The following WWOX variants were observed in gnomAD, a reference collection of about 807,000 sequenced individuals.
WWOX encodes the protein WW domain containing oxidoreductase.
Under a neutral mutation model 46.2 loss-of-function variants are expected in WWOX, and 69 were observed. The observed-to-expected ratio is 1.49, with a 90% CI of 1.23 to 1.82. The LOEUF is 1.82. Among genes scored for constraint, WWOX ranks in the 40% most tolerant of loss-of-function variants. The pLI is 0.00. For synonymous variants in WWOX, 359 were observed against 202.6 expected (o/e 1.77, Z -6.56); for missense variants, 919 against 542.6 (o/e 1.69, Z -6.89).
At chr16:78,993,138 A>C (rs1235198986) in intron 8 of WWOX, among the ~76,000 whole-genome samples, 2 of 152,086 alleles carry the variant, frequency 1.3e-5, no homozygotes, top group Non-Finnish European at 2.9e-5. Flanking sequence ...CCAATTTCAT[A>C]GGCAATATGT....
At chr16:78,415,466 C>T (rs1371397633) in intron 6 of WWOX, among the ~76,000 whole-genome samples, 3 of 152,114 alleles carry the variant, frequency 2.0e-5, no homozygotes, top group South Asian at 2.1e-4. Flanking sequence ...GAATGCCTGA[C>T]CTCGTGGGAA....
chr16:78,640,888 G>A (rs1471693913), intron 8 of WWOX, among the ~76,000 whole-genome samples: 3 of 147,896 alleles, frequency 2.0e-5, no homozygotes, highest in Non-Finnish European at 3.0e-5. Context: ...GCAGTGAGCC[G>A]AGATCATGCC....
intron 8 of WWOX, among the ~76,000 whole-genome samples, chr16:78,736,511 C>T (rs2049095332): frequency 6.6e-6 from 1 of 152,196 alleles, no homozygotes. Flanking sequence ...TGACAACACA[C>T]ATATCATCAA....
At chr16:79,024,458 G>T (rs765855332) in intron 8 of WWOX, among the ~76,000 whole-genome samples, 1 of 151,966 alleles carries the variant, frequency 6.6e-6, no homozygotes, top group African/African-American at 2.4e-5. Flanking sequence ...TTTTGAGACG[G>T]AGTTTTGCTC....
chr16:78,603,911 G>A (rs536523255), intron 8 of WWOX, among the ~76,000 whole-genome samples: 5 of 152,094 alleles, frequency 3.3e-5, no homozygotes, highest in Admixed American at 6.5e-5. Flanking sequence ...GGAGGCTGAC[G>A]TGGGAGGATT....
chr16:78,578,273 TATATATA>T (rs2044947747), intron 8 of WWOX, among the ~76,000 whole-genome samples: 12 of 36,652 alleles, frequency 3.3e-4, no homozygotes, highest in African/African-American at 9.2e-4. Flanking sequence ...TATATATATA[TATATATA>T]TATATTTTTT....
In WWOX at chr16:78,532,395, T is replaced by C. The variant is rs1179351636; in HGVS notation, c.1056+99643T>C. On this transcript the variant is annotated intron_variant, in intron 8 of 8. Transcript: ENST00000566780. Reference sequence around the variant, plus strand: ...CTCAGAGCCTTGAAATCCTCATCTTTGAAATGACCATAGTAAGTTCCTGCC... The same window carrying C: ...CTCAGAGCCTTGAAATCCTCATCTTCGAAATGACCATAGTAAGTTCCTGCC... Among the ~76,000 whole-genome samples, 4 of 152,146 alleles carry C rather than the reference T, an allele frequency of 2.6e-5. No homozygotes were observed. In the East Asian group the frequency reaches 7.7e-4, roughly 29 times the overall value.
intron 5 of WWOX, among the ~76,000 whole-genome samples, chr16:78,294,126 G>T (rs1378712348): frequency 6.6e-6 from 1 of 151,876 alleles, no homozygotes; most frequent in Non-Finnish European, 1.5e-5. Flanking sequence ...GCTGGTCCCT[G>T]GGTGGGACAG....
intron 8 of WWOX, among the ~76,000 whole-genome samples, chr16:78,784,099 C>T (rs973160145): frequency 6.6e-5 from 10 of 152,066 alleles, no homozygotes; most frequent in Non-Finnish European, 7.4e-5. Context: ...CCATGCAATG[C>T]TTATGGTTTT....
At chr16:79,032,812 T>C (rs1382981851) in intron 8 of WWOX, among the ~76,000 whole-genome samples, 3 of 151,512 alleles carry the variant, frequency 2.0e-5, no homozygotes, top group Admixed American at 2.0e-4. Context: ...GCAGGTTTGT[T>C]ATATAGGTAA....
In WWOX at chr16:78,603,930, C is replaced by G. The variant is rs566420528; in HGVS notation, c.1056+171178C>G. On this transcript the variant is annotated intron_variant, in intron 8 of 8. Transcript: ENST00000566780. Reference sequence around the variant, plus strand: ...GCTGACGTGGGAGGATTGCTTGAGCCTAGGAGTTCAAGATCAGCCTGGGTA... The same window carrying G: ...GCTGACGTGGGAGGATTGCTTGAGCGTAGGAGTTCAAGATCAGCCTGGGTA... Among the ~76,000 whole-genome samples the G allele has an allele frequency of 4.6e-4, 70 of 151,992 alleles. 1 individual carries two copies. Among genetic ancestry groups the G allele is most frequent in the African/African-American group, 1.4e-3 (60 of 41,448 alleles).
chr16:78,536,289 G>C (rs2043757509), intron 8 of WWOX, among the ~76,000 whole-genome samples: 1 of 151,978 alleles, frequency 6.6e-6, no homozygotes, highest in Admixed American at 6.6e-5. Flanking sequence ...TGATTGGAGG[G>C]TCTGAGTTTC....
At chr16:78,926,048 G>C (rs1483853565) in intron 8 of WWOX, among the ~76,000 whole-genome samples, 2 of 152,188 alleles carry the variant, frequency 1.3e-5, no homozygotes, top group South Asian at 2.1e-4. Context: ...AGACAGACAG[G>C]ACAGGTAAGG....
chr16:78,101,867 A>G (rs370200949), intron 1 of WWOX, among the ~76,000 whole-genome samples: 44 of 152,248 alleles, frequency 2.9e-4, no homozygotes, highest in African/African-American at 9.1e-4. Flanking sequence ...TTAGGACCCA[A>G]TCTTATTAGG....
chr16:78,275,314 G>A (rs762921955), intron 5 of WWOX, among the ~76,000 whole-genome samples: 6 of 152,248 alleles, frequency 3.9e-5, no homozygotes, highest in African/African-American at 1.4e-4. Context: ...TTTCCCGGGC[G>A]CAGCCCTTGA....
At chr16:78,912,387 C>A (rs1453690092) in intron 8 of WWOX, among the ~76,000 whole-genome samples, 3 of 151,892 alleles carry the variant, frequency 2.0e-5, no homozygotes, top group East Asian at 1.9e-4. Flanking sequence ...CATGACAAAT[C>A]TGAGGGTCAG....
chr16:78,519,401 G>A (rs1352890763), intron 8 of WWOX, among the ~76,000 whole-genome samples: 7 of 151,872 alleles, frequency 4.6e-5, no homozygotes, highest in East Asian at 3.9e-4. Context: ...CTCTTCCCAC[G>A]TCAGACCTTT....
intron 8 of WWOX, among the ~76,000 whole-genome samples, chr16:78,619,558 T>G: frequency 6.6e-6 from 1 of 151,712 alleles, no homozygotes; most frequent in East Asian, 2.0e-4. Context: ...ATCTCAATTT[T>G]ATTATACAAT....
chr16:78,467,751 G>A (rs568829282), intron 8 of WWOX, among the ~76,000 whole-genome samples: 5 of 152,170 alleles, frequency 3.3e-5, no homozygotes, highest in African/African-American at 1.2e-4. Context: ...GCTGATAAAA[G>A]CTTGAATTAG....
Sources: gnomAD v4.1 joint callset for allele counts (sites outside exome capture counted in the v4.1 genomes callset) on GRCh38, gnomAD v4.1.1 for gene constraint, MANE v1.5 for transcripts, NCBI Gene and HGNC (gene_info 2026-07-23, HGNC 2026-07-21) for gene names.